The following MGAT4C variants were observed in gnomAD, a reference collection of about 807,000 sequenced individuals.
MGAT4C encodes MGAT4 family member C.
A neutral mutation model predicts 40.1 loss-of-function variants in MGAT4C; 19 were observed. The observed-to-expected ratio is 0.47, with a 90% CI of 0.33 to 0.70. The LOEUF (loss-of-function observed/expected upper bound fraction) is 0.70, where lower values mean the gene tolerates loss of function less well. MGAT4C is among the 30% of genes least tolerant of loss of function. The pLI is 0.02. For missense variants in MGAT4C, 491 were observed against 563.2 expected, an observed-to-expected ratio of 0.87 and a Z score of 1.30; for synonymous variants, 181 against 187.1, an observed-to-expected ratio of 0.97 and a Z score of 0.27.
chr12:86,091,036 G>A (rs967193877), intron 1 of MGAT4C, among the ~76,000 whole-genome samples: 12 of 151,760 alleles, frequency 7.9e-5, no homozygotes, highest in African/African-American at 2.9e-4. Flanking sequence ...GTCACATAAT[G>A]TACCAAGTGA....
At chr12:86,607,826 AGT>A (rs1348001538) in intron 2 of MGAT4C, among the ~76,000 whole-genome samples, 1 of 152,132 alleles carries the variant, frequency 6.6e-6, no homozygotes, top group African/African-American at 2.4e-5. Flanking sequence ...ATAAATTAAG[AGT>A]CATGGCACCT....
intron 1 of MGAT4C, among the ~76,000 whole-genome samples, chr12:86,248,581 G>A (rs1469251342): frequency 1.3e-5 from 2 of 152,040 alleles, no homozygotes; most frequent in East Asian, 1.9e-4. Context: ...AGTGAGAAGC[G>A]GTTCCCTTCC....
intron 1 of MGAT4C, among the ~76,000 whole-genome samples, chr12:86,240,058 A>C (rs1393723965): frequency 6.6e-6 from 1 of 151,060 alleles, no homozygotes; most frequent in Non-Finnish European, 1.5e-5. Flanking sequence ...AAATAAAATA[A>C]AATAAAATTA....
intron 1 of MGAT4C, among the ~76,000 whole-genome samples, chr12:86,120,789 G>T (rs1188154942): frequency 6.6e-6 from 1 of 152,176 alleles, no homozygotes; most frequent in Non-Finnish European, 1.5e-5. Context: ...AAGATGGGGA[G>T]AAACCAAAGC....
intron 3 of MGAT4C, among the ~76,000 whole-genome samples, chr12:86,386,683 A>G (rs1459340102): frequency 2.6e-5 from 4 of 152,224 alleles, no homozygotes; most frequent in Admixed American, 1.3e-4. Flanking sequence ...TTACATTCAA[A>G]CAAGTTAATA....
intron 3 of MGAT4C, among the ~76,000 whole-genome samples, chr12:86,405,033 C>A (rs1288492641): frequency 6.6e-6 from 1 of 151,768 alleles, no homozygotes; most frequent in Non-Finnish European, 1.5e-5. Flanking sequence ...GGTGAAATTA[C>A]ATAAAAGAAA....
intron 1 of MGAT4C, among the ~76,000 whole-genome samples, chr12:86,172,605 T>C (rs1886968510): frequency 6.6e-6 from 1 of 152,120 alleles, no homozygotes; most frequent in Non-Finnish European, 1.5e-5. Flanking sequence ...AGCTAAAATA[T>C]GCCACATATA....
chr12:86,535,170 T>A (rs1959048159), intron 2 of MGAT4C, among the ~76,000 whole-genome samples: 1 of 152,140 alleles, frequency 6.6e-6, no homozygotes, highest in Non-Finnish European at 1.5e-5. Context: ...AACATATTTA[T>A]TTAAACTAAT....
At chr12:86,673,344 A>T (rs940780137) in intron 2 of MGAT4C, among the ~76,000 whole-genome samples, 1 of 152,184 alleles carries the variant, frequency 6.6e-6, no homozygotes, top group Non-Finnish European at 1.5e-5. Context: ...AACACAAAGT[A>T]AGCCTTTTAG....
intron 4 of MGAT4C, among the ~76,000 whole-genome samples, chr12:86,295,770 C>G (rs891959204): frequency 2.0e-5 from 3 of 152,024 alleles, no homozygotes; most frequent in Non-Finnish European, 2.9e-5. Context: ...TACAGAGTTT[C>G]GACATACAGG....
At chr12:86,483,927 AAAC>A (rs758740256) in intron 2 of MGAT4C, among the ~76,000 whole-genome samples, 1 of 151,026 alleles carries the variant, frequency 6.6e-6, no homozygotes, top group Non-Finnish European at 1.5e-5. Context: ...TTTAGAGAGA[AAAC>A]AACAAGAGTT....
rs114271341 is a variant in MGAT4C at position 86,406,669 on chromosome 12, T to A, written c.-120+28488A>T. 3.0e-3 allele frequency among the ~76,000 whole-genome samples: 462 copies of A among 151,996 alleles called. 1 individual carries two copies. The highest frequency in any genetic ancestry group is 0.011 in the African/African-American group (437 of 41,466). On this transcript the variant is annotated intron_variant, in intron 3 of 7. Coordinates refer to the MGAT4C transcript ENST00000548651. ...CATTCGTACATTGTTGCTGGTAATG[T>A]AAAATGGTACAACCACTCTGGAAAT...
intron 1 of MGAT4C, among the ~76,000 whole-genome samples, chr12:86,152,103 C>T (rs939279866): frequency 5.9e-5 from 9 of 152,230 alleles, no homozygotes; most frequent in South Asian, 4.1e-4. Flanking sequence ...CCTCCATCCC[C>T]GCTGTGTCAC....
At chr12:86,417,208 T>C (rs1956736425) in intron 3 of MGAT4C, among the ~76,000 whole-genome samples, 1 of 152,076 alleles carries the variant, frequency 6.6e-6, no homozygotes, top group Non-Finnish European at 1.5e-5. Context: ...GATAAGAATA[T>C]AGATAAGTGG....
chr12:86,432,281 A>AAAAC (rs760908747), intron 3 of MGAT4C, among the ~76,000 whole-genome samples: 17 of 152,112 alleles, frequency 1.1e-4, no homozygotes, highest in Non-Finnish European at 2.4e-4. Flanking sequence ...TGGTATCTGG[A>AAAAC]AAACAAACAA....
Position 86,251,109 on chromosome 12 carries a change from G to A in MGAT4C, c.-57+5130C>T, listed in dbSNP as rs143844419. ...CATGAAATTTTCACAACAAACTTACGAGGTAGGTACTTTTATTTCCCGTTT... is the reference window on the plus strand; with the variant it reads ...CATGAAATTTTCACAACAAACTTACAAGGTAGGTACTTTTATTTCCCGTTT... On this transcript the variant is annotated intron_variant, in intron 1 of 4. Transcript: ENST00000611864. Among the ~76,000 whole-genome samples the A allele has an allele frequency of 3.8e-3, 563 of 146,456 alleles. 17 individuals are homozygous for A. The highest frequency in any genetic ancestry group is 0.037 in the Admixed American group (528 of 14,360).
chr12:86,823,905 T>C (rs1003639419), intron 1 of MGAT4C, among the ~76,000 whole-genome samples: 7 of 151,354 alleles, frequency 4.6e-5, no homozygotes, highest in Admixed American at 1.3e-4. Flanking sequence ...AACTAATAGG[T>C]TTAAAAAGTT....
intron 1 of MGAT4C, among the ~76,000 whole-genome samples, chr12:86,222,611 C>T (rs2135990807): frequency 6.6e-6 from 1 of 152,254 alleles, no homozygotes; most frequent in East Asian, 1.9e-4. Flanking sequence ...CAAAGATGAA[C>T]TATTCTTAAT....
chr12:86,837,193 C>A (rs918727236), intron 1 of MGAT4C, among the ~76,000 whole-genome samples: 2 of 151,910 alleles, frequency 1.3e-5, no homozygotes, highest in African/African-American at 4.8e-5. Flanking sequence ...AGAAAGCTTG[C>A]CAAATGGAGG....
Sources: gnomAD v4.1 joint callset for allele counts (sites outside exome capture counted in the v4.1 genomes callset) on GRCh38, gnomAD v4.1.1 for gene constraint, MANE v1.5 for transcripts, NCBI Gene and HGNC (gene_info 2026-07-23, HGNC 2026-07-21) for gene names.